Variants in TRRAP observed in about 807,000 individuals in gnomAD.
TRRAP encodes the protein transformation/transcription domain associated protein.
TRRAP carries 41 observed loss-of-function variants against 438.8 expected under a neutral mutation model. The ratio of observed to expected loss-of-function variants is 0.09; its 90% confidence interval spans 0.07 to 0.12. The LOEUF is 0.12. TRRAP is among the 10% of genes least tolerant of loss of function. The pLI is 1.00. For missense variants in TRRAP, 3,122 were observed against 5,055.1 expected, an observed-to-expected ratio of 0.62 and a Z score of 11.60; for synonymous variants, 1,994 against 1,962.9, an observed-to-expected ratio of 1.02 and a Z score of -0.42.
At chr7:98,967,995 A>G (rs143037742) in intron 51 of TRRAP, among the ~76,000 whole-genome samples, 2 of 151,568 alleles carry the variant, frequency 1.3e-5, no homozygotes, top group African/African-American at 2.4e-5. Context: ...CTAGAAAATA[A>G]AACTGTGGAC....
rs191701663 is a variant in TRRAP at position 98,907,573 on chromosome 7, C to T, written c.1116-1155C>T. Among the ~76,000 whole-genome samples the T allele has an allele frequency of 3.0e-3, 456 of 152,278 alleles. 1 individual carries two copies. Among genetic ancestry groups the T allele is most frequent in the African/African-American group, 7.7e-3 (321 of 41,558 alleles). ...GGGGTTGAACTTGCCTAGAATTGGA[C>T]GTTAGATTATGTTACTCCTGCTCGA... On this transcript the variant is annotated intron_variant, in intron 13 of 72. Coordinates refer to ENST00000456197, the MANE Select transcript of TRRAP (RefSeq NM_001375524.1).
intron 10 of TRRAP, among the ~76,000 whole-genome samples, chr7:98,900,115 C>T (rs781999495): frequency 3.9e-5 from 6 of 152,018 alleles, no homozygotes; most frequent in Non-Finnish European, 8.8e-5. Flanking sequence ...TTTACACCCT[C>T]AGTTCCCCAT....
intron 30 of TRRAP, among the ~76,000 whole-genome samples, chr7:98,939,258 A>T (rs1443250162): frequency 6.6e-6 from 1 of 152,156 alleles, no homozygotes; most frequent in Non-Finnish European, 1.5e-5. Context: ...ACAGGAGTTT[A>T]TATCTACTGA....
chr7:98,921,642 C>T, intron 20 of TRRAP, 111 bp from the exon 21 acceptor site: 1 of 1,431,076 alleles, frequency 7.0e-7, no homozygotes, highest in Non-Finnish European at 9.6e-7. Flanking sequence ...TCCCAAAGTT[C>T]TGGGATTACA....
In TRRAP at chr7:98,971,717, C is replaced by T. The variant is rs1017913840; in HGVS notation, c.7693-82C>T. On this transcript the variant is annotated intron_variant, in intron 52 of 72. Transcript: ENST00000456197. ...AACACGAATTTTACCAAAATTGTAA[C>T]AAGAAGCCTACAGGAGGTGTGTTTG... is the stretch of plus-strand genomic sequence containing the variant. 3.3e-6 allele frequency: 5 copies of T among 1,504,248 alleles called. No homozygotes were observed. In the African/African-American group the frequency reaches 7.0e-5, roughly 21 times the overall value. 93.2% of individuals were successfully genotyped at this position (1,504,248 alleles called of 1,614,324 possible). A position where few individuals can be genotyped will look rare whatever the true frequency, so the allele number is the denominator to read the frequency against.
In TRRAP at chr7:98,956,574, T is replaced by C. The variant is rs1791627089; in HGVS notation, c.6231+41T>C. 2 of 1,591,760 alleles carry C rather than the reference T, an allele frequency of 1.3e-6. No homozygotes were observed. Among genetic ancestry groups the C allele is most frequent in the African/African-American group, 1.4e-5 (1 of 73,892 alleles). On this transcript the variant is annotated intron_variant, in intron 43 of 72. Coordinates refer to ENST00000456197, the MANE Select transcript of TRRAP (RefSeq NM_001375524.1). This position sits in a 1 kb window ranked among gnomAD's most constrained non-coding sequence, Gnocchi z 4.5. ...TCTGTATGGGTGCTGCGCATTCTGC[T>C]GGGAGTTGGTTCGTTTATTCCCTAT...
In TRRAP at chr7:98,908,373, T is replaced by C. The variant is rs1410194298; in HGVS notation, c.1116-355T>C. The stretch of plus-strand genomic sequence containing the variant: ...GTGTCTCTGTAAAGTGGTCATCATA[T>C]ATAAAGATTGATTGACCCGTCCTAT... On this transcript the variant is annotated intron_variant, in intron 13 of 72. Transcript: ENST00000456197. This position sits in a 1 kb window ranked among gnomAD's most constrained non-coding sequence, Gnocchi z 4.1. Among the ~76,000 whole-genome samples, 1 of 152,202 alleles carries C rather than the reference T, an allele frequency of 6.6e-6. No individual in the cohort carries two copies. The highest frequency in any genetic ancestry group is 1.5e-5 in the Non-Finnish European group (1 of 68,032).
chr7:98,945,840 T>C (rs779992671), intron 32 of TRRAP, 40 bp downstream of exon 32: 15 of 1,585,092 alleles, frequency 9.5e-6, no homozygotes, highest in Non-Finnish European at 1.3e-5. Flanking sequence ...TGACTTGCAA[T>C]GTGAAGAAAA....
In TRRAP at chr7:99,011,277, G is replaced by C. The variant is rs1794413084; in HGVS notation, c.11142+22G>C. On this transcript the variant is annotated intron_variant, in intron 71 of 72. Transcript: ENST00000456197. This position sits in a 1 kb window ranked among gnomAD's most constrained non-coding sequence, Gnocchi z 7.1. The stretch of plus-strand genomic sequence containing the variant: ...TCAGGTAACCTGCTTTGAACAGCCA[G>C]ATCCTCTCCTCGTGACATCGCCTTT... The C allele has an allele frequency of 1.9e-6, 3 of 1,613,388 alleles. No individual in the cohort carries two copies. Among genetic ancestry groups the C allele is most frequent in the African/African-American group, 1.3e-5 (1 of 74,908 alleles).
intron 10 of TRRAP, among the ~76,000 whole-genome samples, chr7:98,900,298 C>T (rs987693287): frequency 2.0e-5 from 3 of 152,110 alleles, no homozygotes; most frequent in Non-Finnish European, 2.9e-5. Context: ...CTTTGGCCAT[C>T]GCCACGGCCC....
intron 7 of TRRAP, among the ~76,000 whole-genome samples, chr7:98,897,494 G>A (rs183611926): frequency 1.3e-5 from 2 of 152,238 alleles, no homozygotes; most frequent in African/African-American, 2.4e-5. Flanking sequence ...GGTCCCTGTC[G>A]TGTTATCTTT....
At chr7:98,906,506 C>T (rs1796741975) in intron 13 of TRRAP, among the ~76,000 whole-genome samples, 1 of 151,980 alleles carries the variant, frequency 6.6e-6, no homozygotes, top group Non-Finnish European at 1.5e-5. Flanking sequence ...AATCTTGGCT[C>T]ACTGCAACTC....
At chr7:98,980,834 A>C (rs1209639893) in intron 58 of TRRAP, among the ~76,000 whole-genome samples, 1 of 152,180 alleles carries the variant, frequency 6.6e-6, no homozygotes, top group Admixed American at 6.5e-5. Flanking sequence ...CAGGCAGATC[A>C]CTTGAGCCCA....
chr7:98,909,441 T>G (rs1554408175), intron 14 of TRRAP, among the ~76,000 whole-genome samples: 1 of 150,340 alleles, frequency 6.7e-6, no homozygotes, highest in Non-Finnish European at 1.5e-5. Flanking sequence ...TGTGCACCAG[T>G]TTTTTCATCT....
intron 1 of TRRAP, among the ~76,000 whole-genome samples, chr7:98,879,550 C>T (rs1795324693): frequency 6.7e-6 from 1 of 150,334 alleles, no homozygotes; most frequent in East Asian, 2.0e-4. Context: ...ATCCCGAGTC[C>T]TGGGTCCCCT....
chr7:98,975,254 C>T (rs990130325), intron 53 of TRRAP, among the ~76,000 whole-genome samples: 9 of 152,216 alleles, frequency 5.9e-5, no homozygotes. Context: ...TTAGTAGAAA[C>T]GTGAATGTGC....
intron 6 of TRRAP, 90 bp downstream of exon 6, chr7:98,893,971 A>C: frequency 3.4e-6 from 4 of 1,189,738 alleles, no homozygotes; most frequent in East Asian, 4.7e-5. Context: ...TTGGCTGAAC[A>C]CATACTGTTT....
chr7:98,999,064 C>T (rs1312567963), intron 67 of TRRAP: 11 of 1,021,912 alleles, frequency 1.1e-5, no homozygotes, highest in African/African-American at 3.2e-5. Flanking sequence ...GCAGCCATGA[C>T]GGGCAGAGAA....
chr7:98,886,248 C>A (rs1210835265), intron 3 of TRRAP, among the ~76,000 whole-genome samples: 1 of 152,094 alleles, frequency 6.6e-6, no homozygotes, highest in East Asian at 1.9e-4. Context: ...GGAGATCATG[C>A]CATTGCACTC....
Sources: allele counts gnomAD v4.1 joint callset (sites outside exome capture counted in the v4.1 genomes callset), GRCh38; gene constraint gnomAD v4.1.1; non-coding constraint Gnocchi (gnomAD v3.1); transcripts MANE v1.5; gene names NCBI Gene and HGNC (gene_info 2026-07-23, HGNC 2026-07-21).